CHD6: variants seen among roughly 807,000 people sequenced by gnomAD.
CHD6 encodes the protein ATP-dependent chromatin remodeler CHD6.
In CHD6, 50 loss-of-function variants were observed where a neutral mutation model predicts 276.9. That is an observed-to-expected ratio of 0.18 (90% CI 0.14 to 0.23). CHD6 has a LOEUF of 0.23. Among genes scored for constraint, CHD6 ranks in the 10% least tolerant of loss-of-function variants. The probability of loss-of-function intolerance (pLI) is 1.00; values close to 1 mark genes in which losing one functional copy is unlikely to be tolerated. For missense variants in CHD6, 2,564 were observed against 3,365.8 expected (o/e 0.76, Z 5.89); for synonymous variants, 1,173 against 1,229.3 (o/e 0.95, Z 0.96).
chr20:41,479,189 G>A lies in CHD6; in HGVS notation c.2468+4120C>T, dbSNP rs2043236591. Among the ~76,000 whole-genome samples the A allele has an allele frequency of 3.3e-5, 5 of 151,970 alleles. No homozygotes were observed. In the South Asian group the frequency reaches 6.2e-4, roughly 19 times the overall value. The stretch of plus-strand genomic sequence containing the variant: ...AAAAACAGAGCCCATGGACTTGTGG[G>A]GAATTATCTCAAGGTCAAATAAACA... On this transcript the variant is annotated intron_variant, in intron 16 of 36. Transcript: ENST00000373233.
chr20:41,583,737 T>G (rs1285799125), intron 1 of CHD6, among the ~76,000 whole-genome samples: 3 of 152,128 alleles, frequency 2.0e-5, no homozygotes, highest in Non-Finnish European at 1.5e-5. Context: ...TATGACAATA[T>G]CATATAGGAT....
intron 16 of CHD6, among the ~76,000 whole-genome samples, chr20:41,476,746 T>C (rs371392871): frequency 1.3e-5 from 2 of 151,122 alleles, no homozygotes; most frequent in South Asian, 4.2e-4. Flanking sequence ...TTAAGTGTAG[T>C]GAAAAGCATG....
chr20:41,430,603 T>C (rs866454651), intron 27 of CHD6, among the ~76,000 whole-genome samples: 22 of 152,338 alleles, frequency 1.4e-4, no homozygotes, highest in African/African-American at 4.8e-4. Context: ...CTAGTGGTTG[T>C]GAGAATTTGG....
At chr20:41,526,478 G>A (rs2044539085) in intron 3 of CHD6, among the ~76,000 whole-genome samples, 1 of 152,202 alleles carries the variant, frequency 6.6e-6, no homozygotes, top group Non-Finnish European at 1.5e-5. Context: ...GAGGAGGAAA[G>A]GTAGTTGAGT....
intron 3 of CHD6, among the ~76,000 whole-genome samples, chr20:41,527,222 A>G (rs115166808): frequency 4.7e-4 from 72 of 152,296 alleles, no homozygotes; most frequent in African/African-American, 1.7e-3. Context: ...AAATCACTTG[A>G]GGACAGGAGT....
intron 27 of CHD6, among the ~76,000 whole-genome samples, chr20:41,427,058 T>C (rs574770992): frequency 6.6e-6 from 1 of 152,194 alleles, no homozygotes; most frequent in Admixed American, 6.5e-5. Context: ...TGTGTGGCCC[T>C]CAAGCTAAGA....
At chr20:41,496,485 T>C (rs1280162586) in intron 8 of CHD6, among the ~76,000 whole-genome samples, 1 of 152,192 alleles carries the variant, frequency 6.6e-6, no homozygotes, top group African/African-American at 2.4e-5. Context: ...CCTCCACGTG[T>C]GCTTTAGCTA....
chr20:41,522,353 A>C (rs975659469), intron 3 of CHD6, among the ~76,000 whole-genome samples: 2 of 149,358 alleles, frequency 1.3e-5, no homozygotes, highest in African/African-American at 5.0e-5. Flanking sequence ...CTCAAAAAAA[A>C]CAAAATAACA....
chr20:41,458,728 C>G (rs2048453950), intron 17 of CHD6, among the ~76,000 whole-genome samples: 1 of 152,118 alleles, frequency 6.6e-6, no homozygotes, highest in South Asian at 2.1e-4. Flanking sequence ...CATTTCCTGT[C>G]CAGACCTGGC....
intron 16 of CHD6, among the ~76,000 whole-genome samples, chr20:41,482,204 T>C (rs1401280235): frequency 6.6e-6 from 1 of 152,146 alleles, no homozygotes; most frequent in Non-Finnish European, 1.5e-5. Flanking sequence ...AAGAGTAAGA[T>C]AATATAAGAA....
chr20:41,533,519 T>G lies in CHD6; in HGVS notation c.85A>C (p.Asn29His). The G allele has an allele frequency of 6.2e-7, 1 of 1,613,308 alleles. No homozygotes were observed. The highest frequency in any genetic ancestry group is 8.5e-7 in the Non-Finnish European group (1 of 1,179,944). ...NHSPMSDASV[N>H]FDYKSPSPFD... ...GGGGATGGAGATTTGTAGTCAAAAT[T>G]GACAGAGGCATCAGACATTGGGGAG... is the stretch of plus-strand genomic sequence containing the variant. The change falls in exon 3 of 37, where the codon AAT becomes CAT. Residue 29 changes from asparagine (N) to histidine (H), a missense_variant. Transcript: ENST00000373233.
chr20:41,452,136 G>T lies in CHD6; in HGVS notation c.3324-111C>A. ...CATACATGCTTTTTGTTCTCTGTAG[G>T]TCTGTTAATCATCCCAAGGGCTTTG... On this transcript the variant is annotated intron_variant, in intron 21 of 36. Transcript: ENST00000373233. This position sits in a 1 kb window ranked among gnomAD's most constrained non-coding sequence, Gnocchi z 4.2. The T allele has an allele frequency of 1.2e-6, 1 of 828,418 alleles. No homozygotes were observed. Among genetic ancestry groups the T allele is most frequent in the Non-Finnish European group, 2.0e-6 (1 of 500,652 alleles). 51.3% of individuals were successfully genotyped at this position (828,418 alleles called of 1,614,324 possible).
Position 41,405,006 on chromosome 20 carries a change from T to C in CHD6, c.7735A>G (p.Lys2579Glu). ...TTGTCCTCAGCTAAAGTGTCTGTTT[T>C]CACATCATGGCTACTCGGCTTGTCT... is the stretch of plus-strand genomic sequence containing the variant. ...AEDKPSSHDV[K>E]TDTLAEDKPG... is the part of the protein sequence containing the mutation. The change falls in exon 37 of 37, where the codon AAA becomes GAA. Residue 2579 changes from lysine to glutamate, a missense_variant. Coordinates refer to ENST00000373233, the MANE Select transcript of CHD6 (RefSeq NM_032221.5). The C allele has an allele frequency of 6.2e-7, 1 of 1,614,244 alleles. No homozygotes were observed. Among genetic ancestry groups the C allele is most frequent in the African/African-American group, 1.3e-5 (1 of 75,066 alleles).
intron 1 of CHD6, among the ~76,000 whole-genome samples, chr20:41,610,752 C>T (rs569101807): frequency 9.9e-4 from 137 of 138,442 alleles, no homozygotes; most frequent in South Asian, 4.4e-3. Context: ...AGTGAGACTC[C>T]GTCTCAAAAA....
At chr20:41,508,678 T>C (rs1362716865) in intron 5 of CHD6, among the ~76,000 whole-genome samples, 1 of 152,136 alleles carries the variant, frequency 6.6e-6, no homozygotes. Context: ...AGAAGCCTTA[T>C]GATGAACGGC....
Position 41,452,763 on chromosome 20 carries a change from T to C in CHD6, c.3300A>G (p.Val1100=). The part of the protein sequence containing the change: ...RRYLRAECFR[V]EKNLLIFGWG... ...ACCCAAAGATGAGCAGGTTCTTCTC[T>C]ACCCGGAAGCACTCCGCTCGGAGGT... is the stretch of plus-strand genomic sequence containing the variant. The change falls in exon 21 of 37, where the codon GTA becomes GTG. Residue 1100 remains valine, a synonymous_variant. Coordinates refer to ENST00000373233, the MANE Select transcript of CHD6 (RefSeq NM_032221.5). The surrounding 1 kb of genome is among the most constrained non-coding windows in gnomAD (Gnocchi z 4.2). 2 of 1,612,524 alleles carry C rather than the reference T, an allele frequency of 1.2e-6. No homozygotes were observed. Among genetic ancestry groups the C allele is most frequent in the Non-Finnish European group, 1.7e-6 (2 of 1,179,830 alleles).
At chr20:41,509,473 ACTTATC>A (rs1156629721) in intron 5 of CHD6, among the ~76,000 whole-genome samples, 3 of 152,148 alleles carry the variant, frequency 2.0e-5, no homozygotes, top group Admixed American at 6.6e-5. Flanking sequence ...GGGGAGGGGC[ACTTATC>A]CCCAGCTCGG....
At chr20:41,411,200 C>T (rs1436538821) in intron 36 of CHD6, among the ~76,000 whole-genome samples, 4 of 60,586 alleles carry the variant, frequency 6.6e-5, no homozygotes, top group East Asian at 9.6e-4. Context: ...ACTAGACCAG[C>T]GGTCATCCAG....
intron 1 of CHD6, among the ~76,000 whole-genome samples, chr20:41,610,466 A>C (rs1169079625): frequency 6.6e-6 from 1 of 152,184 alleles, no homozygotes; most frequent in African/African-American, 2.4e-5. Flanking sequence ...TTCCCTTCAT[A>C]AAGTTAATTG....
Sources: allele counts gnomAD v4.1 joint callset (sites outside exome capture counted in the v4.1 genomes callset), GRCh38; gene constraint gnomAD v4.1.1; non-coding constraint Gnocchi (gnomAD v3.1); transcripts MANE v1.5; gene names NCBI Gene and HGNC (gene_info 2026-07-23, HGNC 2026-07-21).